The following SCP2 variants were observed in gnomAD, a reference collection of about 807,000 sequenced individuals.
SCP2 encodes SCP-2/3-oxoacyl-CoA thiolase.
SCP2 carries 48 observed loss-of-function variants against 71.4 expected under a neutral mutation model. The observed-to-expected ratio is 0.67, with a 90% confidence interval of 0.53 to 0.86. SCP2 has a LOEUF of 0.86. Ranked by LOEUF, SCP2 falls within the 40% of genes least tolerant of loss-of-function variation. SCP2 has a pLI of 0.00. For synonymous variants in SCP2, 220 were observed against 218.1 expected (o/e 1.01, Z -0.08); for missense variants, 560 against 655.6 (o/e 0.85, Z 1.59).
At chr1:52,960,963 G>A (rs537253222) in intron 5 of SCP2, among the ~76,000 whole-genome samples, 32 of 151,682 alleles carry the variant, frequency 2.1e-4, no homozygotes, top group African/African-American at 7.7e-4. Context: ...TGTTGGCCAG[G>A]CTGGTCTTGA....
intron 3 of SCP2, 118 bp downstream of exon 3, chr1:52,948,198 T>C (rs1654973628): frequency 1.3e-6 from 1 of 743,990 alleles, no homozygotes; most frequent in Non-Finnish European, 2.4e-6. Context: ...CATTCAATTA[T>C]ATTTGTATTG....
chr1:52,993,793 C>T, intron 11 of SCP2: 1 of 1,549,476 alleles, frequency 6.5e-7, no homozygotes, highest in Non-Finnish European at 8.7e-7. Flanking sequence ...CCCCCAGCAC[C>T]AAGAGGTAAT....
chr1:52,991,456 A>G (rs968006850), intron 11 of SCP2, among the ~76,000 whole-genome samples: 1 of 150,520 alleles, frequency 6.6e-6, no homozygotes, highest in Non-Finnish European at 1.5e-5. Flanking sequence ...GCTGGAGCGC[A>G]GTAGCGCGAT....
intron 1 of SCP2, among the ~76,000 whole-genome samples, chr1:52,939,327 C>T (rs1297003592): frequency 6.6e-6 from 1 of 152,148 alleles, no homozygotes; most frequent in Non-Finnish European, 1.5e-5. Flanking sequence ...AGGAGGATTG[C>T]TTGAGCCCCG....
intron 11 of SCP2, among the ~76,000 whole-genome samples, chr1:53,013,882 CTTTT>C (rs71044449): frequency 3.5e-4 from 22 of 63,056 alleles, no homozygotes; most frequent in African/African-American, 8.5e-4. Context: ...ATAGAACATT[CTTTT>C]TTTTTTTTTT....
At chr1:52,929,690 T>C (rs568889364) in intron 1 of SCP2, among the ~76,000 whole-genome samples, 4 of 152,296 alleles carry the variant, frequency 2.6e-5, no homozygotes, top group East Asian at 1.9e-4. Flanking sequence ...TGGCGCGATC[T>C]TGGCTCACTG....
At chr1:53,049,693 TCAGA>T (rs1309214754) in intron 15 of SCP2, 2 of 152,168 alleles carry the variant, frequency 1.3e-5, no homozygotes, top group East Asian at 3.9e-4. Flanking sequence ...CTTTAAGGCA[TCAGA>T]CAGAAGGCTT....
rs755353816 is a variant in SCP2, at chr1:52,927,431, G to A, written c.35G>A (p.Arg12His). Residue 12 changes from arginine (R) to histidine (H), a missense_variant, in exon 1 of 16, where the codon CGC becomes CAC. Transcript: ENST00000371514. ...TCCCCGTGGGAGCCTGCGACCCTGCGCCGGGTGTTCGTGGTGGGGGTTGGC... is the reference window on the plus strand; with the variant it reads ...TCCCCGTGGGAGCCTGCGACCCTGCACCGGGTGTTCGTGGTGGGGGTTGGC... ...SSSPWEPATL[R>H]RVFVVGVGMT... The A allele has an allele frequency of 6.2e-7, 1 of 1,602,308 alleles. No homozygotes were observed. The highest frequency in any genetic ancestry group is 8.5e-7 in the Non-Finnish European group (1 of 1,175,364).
chr1:53,028,114 A>G (rs1557620159), intron 13 of SCP2, 43 bp downstream of exon 13: 1 of 1,095,200 alleles, frequency 9.1e-7, no homozygotes, highest in East Asian at 2.4e-5. Context: ...CCTTGAGGCT[A>G]GAGGAAGCAG....
intron 14 of SCP2, among the ~76,000 whole-genome samples, chr1:53,039,923 C>T (rs1360713438): frequency 6.6e-6 from 1 of 152,236 alleles, no homozygotes; most frequent in East Asian, 1.9e-4. Context: ...AACTGAACTA[C>T]AGATATTTCT....
At position 53,050,693 on chromosome 1, in the gene SCP2, G is replaced by C; in HGVS notation, c.1633G>C (p.Ala545Pro). The C allele has an allele frequency of 1.2e-6, 2 of 1,609,824 alleles. No individual in the cohort carries two copies. Among genetic ancestry groups the C allele is most frequent in the Non-Finnish European group, 1.7e-6 (2 of 1,176,316 alleles). ...LQNLQLQPGN[A>P]KL ...AAATCTTCAGCTTCAGCCAGGCAAC[G>C]CTAAGCTCTGAAGAACTCCCTTTGG... Residue 545 changes from alanine (A) to proline (P), a missense_variant, in exon 16 of 16, where the codon GCT becomes CCT. By Grantham distance (27) the Ala-to-Pro change is conservative. This residue lies in a region of SCP2 where 43 missense variants were observed against 65.9 expected (regional missense o/e 0.65). Coordinates refer to ENST00000371514, the MANE Select transcript of SCP2 (RefSeq NM_002979.5).
chr1:52,973,791 A>G (rs577565158), intron 6 of SCP2, among the ~76,000 whole-genome samples: 53 of 152,298 alleles, frequency 3.5e-4, no homozygotes, highest in African/African-American at 1.3e-3. Flanking sequence ...TACTAGAGAC[A>G]GAGTCTCACC....
intron 11 of SCP2, among the ~76,000 whole-genome samples, chr1:53,010,997 G>C (rs1024042658): frequency 6.6e-6 from 1 of 152,118 alleles, no homozygotes; most frequent in Non-Finnish European, 1.5e-5. Context: ...AAAGCCTGTT[G>C]GGTGGTCTCT....
intron 10 of SCP2, among the ~76,000 whole-genome samples, chr1:52,983,720 G>A (rs892490625): frequency 6.6e-6 from 1 of 151,856 alleles, no homozygotes; most frequent in African/African-American, 2.4e-5. Flanking sequence ...ATTTCTAGTG[G>A]GCTTTCTTTA....
At chr1:52,987,110 C>T (rs555435806) in intron 10 of SCP2, among the ~76,000 whole-genome samples, 1 of 150,302 alleles carries the variant, frequency 6.7e-6, no homozygotes, top group Non-Finnish European at 1.5e-5. Context: ...GGGGTTTCAC[C>T]ATGTTGGCCA....
chr1:52,953,145 CT>C (rs956513115), intron 4 of SCP2, among the ~76,000 whole-genome samples: 2 of 150,182 alleles, frequency 1.3e-5, no homozygotes, highest in East Asian at 1.9e-4. Context: ...AGGGGCCCCC[CT>C]CTCTCCAAAA....
chr1:53,039,686 G>A (rs72903194), intron 14 of SCP2, among the ~76,000 whole-genome samples: 12,542 of 152,164 alleles, frequency 0.082, 970 homozygotes, highest in Admixed American at 0.2. Flanking sequence ...TCTCTTGATG[G>A]TTTCTTTTTG....
chr1:52,993,984 G>T, intron 11 of SCP2: 1 of 1,257,310 alleles, frequency 8.0e-7, no homozygotes, highest in South Asian at 1.8e-5. Context: ...TCAAGTGTCT[G>T]TTCTTTAATT....
At chr1:52,987,017 T>A (rs972262957) in intron 10 of SCP2, among the ~76,000 whole-genome samples, 2 of 145,486 alleles carry the variant, frequency 1.4e-5, no homozygotes, top group Admixed American at 6.9e-5. Flanking sequence ...TTTTTTTTTT[T>A]TTTTTTTTGA....
Sources: gnomAD v4.1 joint callset for allele counts (sites outside exome capture counted in the v4.1 genomes callset) on GRCh38, gnomAD v4.1.1 for gene constraint, gnomAD v4.1.1 regional missense constraint, MANE v1.5 for transcripts, NCBI Gene and HGNC (gene_info 2026-07-23, HGNC 2026-07-21) for gene names.